SLC4A4: variants seen among roughly 807,000 people sequenced by gnomAD.
The protein encoded by SLC4A4 is electrogenic sodium bicarbonate cotransporter 1.
SLC4A4 carries 27 observed loss-of-function variants against 111.5 expected under a neutral mutation model. That is an observed-to-expected ratio of 0.24 (90% CI 0.18 to 0.33). The LOEUF is 0.33. Ranked by LOEUF, SLC4A4 falls within the 10% of genes least tolerant of loss-of-function variation. The pLI, the probability that SLC4A4 is intolerant of heterozygous loss-of-function variation, is 1.00. For synonymous variants in SLC4A4, 443 were observed against 463.4 expected (o/e 0.96, Z 0.57); for missense variants, 909 against 1,315.5 (o/e 0.69, Z 4.78).
At chr4:71,404,297 T>C (rs1720639784) in intron 7 of SLC4A4, among the ~76,000 whole-genome samples, 1 of 152,158 alleles carries the variant, frequency 6.6e-6, no homozygotes, top group African/African-American at 2.4e-5. Flanking sequence ...CAGGAAACCT[T>C]CTTAGTCTTT....
At chr4:71,088,359 A>G (rs928028643) in intron 1 of SLC4A4, among the ~76,000 whole-genome samples, 10 of 151,614 alleles carry the variant, frequency 6.6e-5, no homozygotes, top group African/African-American at 1.9e-4. Context: ...TCTTTATCCA[A>G]TTTGCCAGTC....
In SLC4A4 at chr4:71,568,121, G is replaced by C. The variant is rs1030800159; in HGVS notation, c.*370G>C. 1 of 409,022 alleles carries C rather than the reference G, an allele frequency of 2.4e-6. No homozygotes were observed. The highest frequency in any genetic ancestry group is 4.3e-6 in the Non-Finnish European group (1 of 230,338). The allele number at this position is 409,022 out of a possible 1,614,324, so 25.3% of individuals were successfully genotyped here. ...CTTTTGTTCTTAAACTTTCAGATGT[G>C]TCCTTTGATAACCAAATTCTGTCAC... On this transcript the variant is annotated 3_prime_UTR_variant, in exon 26 of 26. Coordinates refer to ENST00000264485, the MANE Select transcript of SLC4A4 (RefSeq NM_001098484.3).
chr4:71,175,512 C>T (rs531137778), intron 2 of SLC4A4, among the ~76,000 whole-genome samples: 20 of 152,340 alleles, frequency 1.3e-4, no homozygotes, highest in Admixed American at 2.6e-4. Context: ...TCTTAGCAAA[C>T]GGCACACCAG....
chr4:71,196,966 G>A (rs1746039489), intron 1 of SLC4A4, among the ~76,000 whole-genome samples: 2 of 148,560 alleles, frequency 1.3e-5, no homozygotes, highest in African/African-American at 4.9e-5. Context: ...TATAATCCCA[G>A]CACTTTGGGA....
At chr4:71,440,298 T>A (rs1027013711) in intron 7 of SLC4A4, among the ~76,000 whole-genome samples, 1 of 152,172 alleles carries the variant, frequency 6.6e-6, no homozygotes, top group Non-Finnish European at 1.5e-5. Flanking sequence ...TATAGTAGAT[T>A]TTCAACAACT....
chr4:71,195,230 G>GTTTT (rs66527038), intron 1 of SLC4A4, among the ~76,000 whole-genome samples: 17 of 93,184 alleles, frequency 1.8e-4, no homozygotes, highest in African/African-American at 5.2e-4. Context: ...CTGTATTTGA[G>GTTTT]TTTTTTTTTT....
intron 3 of SLC4A4, among the ~76,000 whole-genome samples, chr4:71,299,523 G>A (rs905907895): frequency 6.6e-6 from 1 of 152,152 alleles, no homozygotes; most frequent in Non-Finnish European, 1.5e-5. Flanking sequence ...GTAGGCTGTG[G>A]GCTTCAAGAT....
At chr4:71,295,506 G>C (rs916438307) in intron 3 of SLC4A4, among the ~76,000 whole-genome samples, 1 of 152,200 alleles carries the variant, frequency 6.6e-6, no homozygotes, top group Non-Finnish European at 1.5e-5. Context: ...CTTCAAAATT[G>C]ATTGGAGAAG....
At position 71,197,210 on chromosome 4, in the gene SLC4A4, G is replaced by A. The variant is rs540467326; in HGVS notation, c.-2+9809G>A. 2.6e-4 allele frequency among the ~76,000 whole-genome samples: 40 copies of A among 152,088 alleles called. 1 individual carries two copies. The highest frequency in any genetic ancestry group is 9.2e-4 in the Admixed American group (14 of 15,282). On this transcript the variant is annotated intron_variant, in intron 1 of 25. Transcript: ENST00000264485. Reference sequence around the variant, plus strand: ...AGCCTGGGCGACAGAGCGAGATTCCGTCTCAAAAAAACAAAAACAAAACTG... The same window carrying A: ...AGCCTGGGCGACAGAGCGAGATTCCATCTCAAAAAAACAAAAACAAAACTG...
At chr4:71,347,624 G>A (rs1729441567) in intron 4 of SLC4A4, among the ~76,000 whole-genome samples, 1 of 152,110 alleles carries the variant, frequency 6.6e-6, no homozygotes, top group Admixed American at 6.6e-5. Context: ...TATGAATTTT[G>A]TGGGGACATA....
intron 12 of SLC4A4, among the ~76,000 whole-genome samples, chr4:71,456,558 T>C (rs145443061): frequency 2.0e-4 from 30 of 152,262 alleles, no homozygotes; most frequent in South Asian, 4.1e-4. Flanking sequence ...GATAAGGAAA[T>C]ATTTTGTAAA....
chr4:71,464,507 C>T (rs1260426758), intron 12 of SLC4A4, among the ~76,000 whole-genome samples: 1 of 152,170 alleles, frequency 6.6e-6, no homozygotes, highest in Non-Finnish European at 1.5e-5. Context: ...TACCCTTCAG[C>T]CATGTGCTGG....
intron 14 of SLC4A4, among the ~76,000 whole-genome samples, chr4:71,481,131 G>C (rs759312743): frequency 6.6e-6 from 1 of 151,722 alleles, no homozygotes; most frequent in Non-Finnish European, 1.5e-5. Flanking sequence ...CAAGAGGTGT[G>C]AAGTAACTCC....
chr4:71,384,222 A>T (rs549411982), intron 6 of SLC4A4, among the ~76,000 whole-genome samples: 3 of 152,308 alleles, frequency 2.0e-5, no homozygotes, highest in Middle Eastern at 6.8e-3. Flanking sequence ...AATCTCTCCA[A>T]GGGGGAGAAA....
chr4:71,403,309 T>C (rs1318845699), intron 7 of SLC4A4, among the ~76,000 whole-genome samples: 1 of 152,212 alleles, frequency 6.6e-6, no homozygotes, highest in Admixed American at 6.5e-5. Flanking sequence ...ATTCATTCAT[T>C]CAAAATGTAT....
chr4:71,193,176 G>A (rs1745813627), intron 1 of SLC4A4, among the ~76,000 whole-genome samples: 1 of 152,102 alleles, frequency 6.6e-6, no homozygotes, highest in South Asian at 2.1e-4. Flanking sequence ...ATGTCTTTTG[G>A]TGAACATGTC....
chr4:71,399,450 TCCCCTC>T (rs1330563349), intron 7 of SLC4A4, among the ~76,000 whole-genome samples: 1 of 98,234 alleles, frequency 1.0e-5, no homozygotes, highest in Non-Finnish European at 2.0e-5. Flanking sequence ...TCCCCTTCCG[TCCCCTC>T]CCCTCCGTTC....
At chr4:71,555,942 C>G (rs2149247759) in intron 21 of SLC4A4, among the ~76,000 whole-genome samples, 1 of 152,002 alleles carries the variant, frequency 6.6e-6, no homozygotes, top group South Asian at 2.1e-4. Context: ...ATTAAATTGG[C>G]ACCAGGAAAC....
chr4:71,442,447 C>T (rs1466169612), intron 8 of SLC4A4, among the ~76,000 whole-genome samples: 1 of 152,150 alleles, frequency 6.6e-6, no homozygotes, highest in Non-Finnish European at 1.5e-5. Flanking sequence ...CAGGAAATAG[C>T]TTCATCCATT....
Sources: gnomAD v4.1 joint callset for allele counts (sites outside exome capture counted in the v4.1 genomes callset) on GRCh38, gnomAD v4.1.1 for gene constraint, MANE v1.5 for transcripts, NCBI Gene and HGNC (gene_info 2026-07-23, HGNC 2026-07-21) for gene names.